The following CCSER1 variants were observed in gnomAD, a reference collection of about 807,000 sequenced individuals.
CCSER1 encodes the protein serine-rich coiled-coil domain-containing protein 1.
CCSER1 carries 41 observed loss-of-function variants against 82.0 expected under a neutral mutation model. The observed-to-expected ratio is 0.50, with a 90% CI of 0.39 to 0.65. The LOEUF (loss-of-function observed/expected upper bound fraction) is 0.65. Among genes scored for constraint, CCSER1 ranks in the 30% least tolerant of loss-of-function variants. The probability of loss-of-function intolerance (pLI) is 0.00; values close to 1 mark genes in which losing one functional copy is unlikely to be tolerated. For synonymous variants in CCSER1, 414 were observed against 383.9 expected, an observed-to-expected ratio of 1.08 and a Z score of -0.92; for missense variants, 1,119 against 1,064.2, an observed-to-expected ratio of 1.05 and a Z score of -0.72.
At chr4:90,454,724 A>G (rs1347017204) in intron 4 of CCSER1, among the ~76,000 whole-genome samples, 1 of 152,174 alleles carries the variant, frequency 6.6e-6, no homozygotes, top group African/African-American at 2.4e-5. Flanking sequence ...TTTCCACAGT[A>G]GTCAGGATCT....
intron 10 of CCSER1, among the ~76,000 whole-genome samples, chr4:91,244,072 C>T (rs182372822): frequency 1.2e-4 from 18 of 152,242 alleles, no homozygotes; most frequent in African/African-American, 3.4e-4. Context: ...CTGCATTCAC[C>T]GCAAACTGAT....
intron 4 of CCSER1, among the ~76,000 whole-genome samples, chr4:90,408,571 T>A (rs2153552060): frequency 6.6e-6 from 1 of 152,290 alleles, no homozygotes; most frequent in Non-Finnish European, 1.5e-5. Context: ...CAGCTGAGTG[T>A]CCTGACTGCT....
At chr4:90,693,488 A>G (rs1023637261) in intron 6 of CCSER1, 1 of 151,904 alleles carries the variant, frequency 6.6e-6, no homozygotes, top group Admixed American at 6.6e-5. Flanking sequence ...TGGCAGGGTG[A>G]GACTAGTCGA....
At chr4:91,571,619 G>T (rs1011859041) in intron 10 of CCSER1, among the ~76,000 whole-genome samples, 1 of 152,150 alleles carries the variant, frequency 6.6e-6, no homozygotes, top group Non-Finnish European at 1.5e-5. Context: ...CAGCATGGGG[G>T]AAAACTGCCC....
intron 9 of CCSER1, among the ~76,000 whole-genome samples, chr4:90,988,327 CTTG>C: frequency 1.1e-5 from 1 of 88,380 alleles, no homozygotes; most frequent in Non-Finnish European, 2.0e-5. Flanking sequence ...AGAGTGATAT[CTTG>C]TCTCAAAAAA....
At chr4:90,486,199 ATCAAT>A (rs557502898) in intron 5 of CCSER1, among the ~76,000 whole-genome samples, 145 of 152,314 alleles carry the variant, frequency 9.5e-4, no homozygotes, top group African/African-American at 3.4e-3. Flanking sequence ...GAAAATTATA[ATCAAT>A]TCTTTTCCTC....
chr4:91,247,741 T>C (rs1033631638), intron 10 of CCSER1, among the ~76,000 whole-genome samples: 19 of 152,216 alleles, frequency 1.2e-4, no homozygotes, highest in African/African-American at 3.9e-4. Flanking sequence ...TGGTGGTGCG[T>C]GTCTGCAGTC....
chr4:90,298,040 A>T (rs1383618711), intron 1 of CCSER1, among the ~76,000 whole-genome samples: 1 of 152,000 alleles, frequency 6.6e-6, no homozygotes, highest in Non-Finnish European at 1.5e-5. Context: ...CCTCTTTTCT[A>T]TTGATTGGAA....
intron 8 of CCSER1, among the ~76,000 whole-genome samples, chr4:90,869,428 G>A (rs888551501): frequency 2.0e-5 from 3 of 151,914 alleles, no homozygotes; most frequent in African/African-American, 7.2e-5. Flanking sequence ...GAGATATCTA[G>A]TTTTCCCACC....
chr4:90,174,905 G>A (rs960894559), intron 1 of CCSER1, among the ~76,000 whole-genome samples: 1 of 151,958 alleles, frequency 6.6e-6, no homozygotes, highest in Non-Finnish European at 1.5e-5. Flanking sequence ...CTGCTGGTGG[G>A]AATGTAAAAT....
chr4:90,635,785 A>G (rs1725315929), intron 6 of CCSER1, among the ~76,000 whole-genome samples: 1 of 151,900 alleles, frequency 6.6e-6, no homozygotes, highest in South Asian at 2.1e-4. Context: ...TTCCCAACAC[A>G]AAGAAAAGAT....
intron 9 of CCSER1, among the ~76,000 whole-genome samples, chr4:90,945,035 G>A (rs1200847025): frequency 2.0e-5 from 3 of 152,092 alleles, no homozygotes; most frequent in Admixed American, 6.5e-5. Flanking sequence ...TGTTTTGAAT[G>A]TTTTAAAACA....
intron 1 of CCSER1, 125 bp downstream of exon 1, chr4:90,127,956 C>T (rs1240369358): frequency 6.6e-6 from 1 of 151,742 alleles, no homozygotes; most frequent in Non-Finnish European, 1.5e-5. Context: ...TCGGGGCCGC[C>T]TGCGAGCAGC....
At chr4:90,245,911 C>G (rs1021550258) in intron 1 of CCSER1, among the ~76,000 whole-genome samples, 4 of 152,052 alleles carry the variant, frequency 2.6e-5, no homozygotes, top group Admixed American at 1.3e-4. Context: ...AAAAAAGCAG[C>G]CTTTTGTGTG....
intron 10 of CCSER1, among the ~76,000 whole-genome samples, chr4:91,195,425 G>A (rs1323420842): frequency 1.3e-5 from 2 of 152,130 alleles, no homozygotes; most frequent in South Asian, 4.1e-4. Flanking sequence ...GTTAGGAGAC[G>A]GGAGGTAAGC....
chr4:90,670,738 T>G (rs1485372106), intron 6 of CCSER1, among the ~76,000 whole-genome samples: 1 of 152,020 alleles, frequency 6.6e-6, no homozygotes, highest in African/African-American at 2.4e-5. Context: ...GTTCAATCAT[T>G]AAACTGTCAC....
At chr4:91,160,385 A>G (rs146647289) in intron 10 of CCSER1, among the ~76,000 whole-genome samples, 1,766 of 152,320 alleles carry the variant, frequency 0.012, 33 homozygotes, top group African/African-American at 0.04. Flanking sequence ...TAGTACCATG[A>G]TTTATAATCC....
intron 5 of CCSER1, among the ~76,000 whole-genome samples, chr4:90,571,161 AAC>A (rs1421503044): frequency 6.6e-6 from 1 of 152,222 alleles, no homozygotes; most frequent in African/African-American, 2.4e-5. Context: ...CCCCGTGGAA[AAC>A]AGTTTGGAGA....
chr4:90,796,953 G>A (rs1037262174), intron 7 of CCSER1, among the ~76,000 whole-genome samples: 13 of 152,132 alleles, frequency 8.5e-5, no homozygotes, highest in Non-Finnish European at 1.8e-4. Context: ...TGAAAAGCAT[G>A]TATATTCTGT....
Sources: allele counts gnomAD v4.1 joint callset (sites outside exome capture counted in the v4.1 genomes callset), GRCh38; gene constraint gnomAD v4.1.1; transcripts MANE v1.5; gene names NCBI Gene and HGNC (gene_info 2026-07-23, HGNC 2026-07-21).